Variants in RAP1GAP observed in about 807,000 individuals in gnomAD.
RAP1GAP encodes RAP1 GTPase activating protein.
In RAP1GAP, 35 loss-of-function variants were observed where a neutral mutation model predicts 87.2. That is an observed-to-expected ratio of 0.40 (90% CI 0.31 to 0.53). The LOEUF (loss-of-function observed/expected upper bound fraction) is 0.53, where lower values mean the gene tolerates loss of function less well. RAP1GAP is among the 20% of genes least tolerant of loss of function. The pLI is 0.48. For synonymous variants in RAP1GAP, 375 were observed against 363.9 expected (o/e 1.03, Z -0.35); for missense variants, 734 against 898.9 (o/e 0.82, Z 2.35).
chr1:21,641,307 G>A (rs1033093776), intron 2 of RAP1GAP, among the ~76,000 whole-genome samples: 1 of 152,090 alleles, frequency 6.6e-6, no homozygotes, highest in Admixed American at 6.5e-5. Flanking sequence ...AGATGATCTG[G>A]AATGTTCCAG....
chr1:21,602,331 A>G lies in RAP1GAP; in HGVS notation c.1538+473T>C, dbSNP rs545429101. Among the ~76,000 whole-genome samples, 7 of 152,302 alleles carry G rather than the reference A, an allele frequency of 4.6e-5. No individual in the cohort carries two copies. In the South Asian group the frequency reaches 1.4e-3, roughly 32 times the overall value. On this transcript the variant is annotated intron_variant, in intron 19 of 24. Coordinates refer to ENST00000374765, the MANE Select transcript of RAP1GAP (RefSeq NM_002885.4). Reference sequence around the variant, plus strand: ...ACTCGCCCAAGGTCACACATGGTTAATATCGGGGAGGCAGCCGGGAGCTAG... The same window carrying G: ...ACTCGCCCAAGGTCACACATGGTTAGTATCGGGGAGGCAGCCGGGAGCTAG...
chr1:21,665,054 C>T (rs1232835747), intron 1 of RAP1GAP, among the ~76,000 whole-genome samples: 2 of 152,192 alleles, frequency 1.3e-5, no homozygotes, highest in Admixed American at 6.5e-5. Context: ...AATCTATGTC[C>T]TTTTAGACCC....
intron 1 of RAP1GAP, chr1:21,667,698 C>T (rs2097417926): frequency 6.6e-6 from 1 of 152,328 alleles, no homozygotes; most frequent in Admixed American, 6.5e-5. Context: ...CATCAAGAGT[C>T]AGAGTACCAC....
intron 20 of RAP1GAP, 149 bp from the exon 21 acceptor site, chr1:21,599,766 GC>G (rs1037536631): frequency 5.3e-6 from 6 of 1,122,042 alleles, no homozygotes; most frequent in African/African-American, 3.2e-5. Context: ...GGGCCTCTGA[GC>G]CCCCCAGACT....
At chr1:21,598,574 C>T in intron 21 of RAP1GAP, 72 bp from the exon 22 acceptor site, 4 of 1,261,546 alleles carry the variant, frequency 3.2e-6, no homozygotes, top group Non-Finnish European at 4.6e-6. Context: ...CCCTCCCAGC[C>T]CCTCTCCCTC....
intron 2 of RAP1GAP, among the ~76,000 whole-genome samples, chr1:21,629,899 A>G (rs930799803): frequency 3.3e-5 from 5 of 152,212 alleles, no homozygotes; most frequent in African/African-American, 9.7e-5. Context: ...TCTGAACTTT[A>G]TAACATGTAC....
rs2081540523 is a variant in RAP1GAP, at chr1:21,615,660, G to A, written c.292-1571C>T. Reference sequence around the variant, plus strand: ...GCCCACCTCGGCCTCCCAAAGTGCTGGGATTACAGGTATAAGCCAGGGCGC... The same window carrying A: ...GCCCACCTCGGCCTCCCAAAGTGCTAGGATTACAGGTATAAGCCAGGGCGC... On this transcript the variant is annotated intron_variant, in intron 7 of 24. Coordinates refer to ENST00000374765, the MANE Select transcript of RAP1GAP (RefSeq NM_002885.4). This position sits in a 1 kb window ranked among gnomAD's most constrained non-coding sequence, Gnocchi z 4.5. 6.6e-6 allele frequency among the ~76,000 whole-genome samples: 1 copy of A among 152,084 alleles called. No individual in the cohort carries two copies. Among genetic ancestry groups the A allele is most frequent in the African/African-American group, 2.4e-5 (1 of 41,392 alleles).
chr1:21,665,343 CTCTT>C (rs755207949), intron 1 of RAP1GAP: 11 of 444,732 alleles, frequency 2.5e-5, no homozygotes, highest in African/African-American at 1.6e-4. Flanking sequence ...GTCACTTTCT[CTCTT>C]TGAGCCTCAC....
rs778816904 is a variant in RAP1GAP, at chr1:21,634,937, G to A, written c.-112-8540C>T. On this transcript the variant is annotated intron_variant, in intron 2 of 24. Transcript: ENST00000374765. This position sits in a 1 kb window ranked among gnomAD's most constrained non-coding sequence, Gnocchi z 4.1. ...CCCGGCCGCAGGGCCTCTTCCTGCC[G>A]GGCAACAACATCATCTGCTTCCCTA... Among the ~76,000 whole-genome samples, 7 of 152,168 alleles carry A rather than the reference G, an allele frequency of 4.6e-5. No homozygotes were observed. The highest frequency in any genetic ancestry group is 1.3e-4 in the Admixed American group (2 of 15,288).
intron 21 of RAP1GAP, 29 bp from the exon 22 acceptor site, chr1:21,598,531 G>A (rs752547212): frequency 1.3e-6 from 2 of 1,573,950 alleles, no homozygotes; most frequent in Middle Eastern, 1.7e-4. Flanking sequence ...GAGGGAGGGA[G>A]GTTAGCCTAT....
chr1:21,604,893 ATGGG>A (rs1356587176), intron 18 of RAP1GAP, among the ~76,000 whole-genome samples: 1 of 108,612 alleles, frequency 9.2e-6, no homozygotes, highest in Non-Finnish European at 1.9e-5. Flanking sequence ...GGATGGGTGG[ATGGG>A]TGGGTGGATG....
At chr1:21,665,984 G>A (rs1031669257) in intron 1 of RAP1GAP, among the ~76,000 whole-genome samples, 1 of 152,238 alleles carries the variant, frequency 6.6e-6, no homozygotes, top group Non-Finnish European at 1.5e-5. Context: ...CTGCCTCCCA[G>A]AGCTGGAGCT....
chr1:21,602,718 T>G, intron 19 of RAP1GAP, 86 bp downstream of exon 19: 1 of 1,195,316 alleles, frequency 8.4e-7, no homozygotes, highest in Middle Eastern at 2.0e-4. Flanking sequence ...GGGCGGGCAC[T>G]CCCTTCTGCC....
intron 2 of RAP1GAP, among the ~76,000 whole-genome samples, chr1:21,649,465 C>T (rs548345054): frequency 6.6e-6 from 1 of 152,324 alleles, no homozygotes; most frequent in East Asian, 1.9e-4. Flanking sequence ...TATGAATAGG[C>T]ATTTTAATCC....
In RAP1GAP at chr1:21,612,087, A is replaced by C. The variant is rs1431812573; in HGVS notation, c.551T>G (p.Phe184Cys). 1 of 1,553,282 alleles carries C rather than the reference A, an allele frequency of 6.4e-7. No homozygotes were observed. Among genetic ancestry groups the C allele is most frequent in the African/African-American group, 1.4e-5 (1 of 73,306 alleles). The change falls in exon 11 of 25, where the codon TTT (phenylalanine) becomes TGT (cysteine). Residue 184 changes from phenylalanine (F) to cysteine (C), a missense_variant. This residue lies in a region of RAP1GAP where 485 missense variants were observed against 646.2 expected (regional missense o/e 0.75). Coordinates refer to ENST00000374765, the MANE Select transcript of RAP1GAP (RefSeq NM_002885.4). Reference protein sequence around the residue: ...YPKASRLIVTFDEHVISNNFK... With the variant: ...YPKASRLIVTCDEHVISNNFK... ...GTTATTGCTGATGACATGCTCGTCA[A>C]AGGTGACGATGAGCCGGGAAGCCTG...
chr1:21,640,709 G>C lies in RAP1GAP; in HGVS notation c.-113+9052C>G, dbSNP rs2095439668. On this transcript the variant is annotated intron_variant, in intron 2 of 24. Transcript: ENST00000374765. ...AAATAGGTCCAGGGTCTTTGCGCCA[G>C]GTAGATCCAGTCAGGTGGGCTCCAG... Among the ~76,000 whole-genome samples, 3 of 152,170 alleles carry C rather than the reference G, an allele frequency of 2.0e-5. No individual in the cohort carries two copies. In the South Asian group the frequency reaches 6.2e-4, roughly 32 times the overall value.
intron 18 of RAP1GAP, among the ~76,000 whole-genome samples, chr1:21,605,440 C>T (rs1408439494): frequency 6.6e-6 from 1 of 152,214 alleles, no homozygotes; most frequent in East Asian, 1.9e-4. Context: ...GATGTGCTCA[C>T]ATAGCAGTCC....
At chr1:21,630,689 C>T (rs1411070430) in intron 2 of RAP1GAP, among the ~76,000 whole-genome samples, 5 of 151,940 alleles carry the variant, frequency 3.3e-5, no homozygotes, top group African/African-American at 1.2e-4. Flanking sequence ...GTAGCTGGGA[C>T]TACAGGTGTG....
At chr1:21,597,345 G>A (rs1010886055) in intron 24 of RAP1GAP, 81 bp from the exon 25 acceptor site, 7 of 254,008 alleles carry the variant, frequency 2.8e-5, no homozygotes, top group African/African-American at 1.6e-4. Context: ...ACTCTGCCAA[G>A]TCCCTGCCTC....
Sources: gnomAD v4.1 joint callset for allele counts (sites outside exome capture counted in the v4.1 genomes callset) on GRCh38, gnomAD v4.1.1 for gene constraint, gnomAD v4.1.1 regional missense constraint, Gnocchi (gnomAD v3.1) non-coding constraint, MANE v1.5 for transcripts, NCBI Gene and HGNC (gene_info 2026-07-23, HGNC 2026-07-21) for gene names.